The following DAAM1 variants were observed in gnomAD, a reference collection of about 807,000 sequenced individuals.
DAAM1 encodes dishevelled associated activator of morphogenesis 1.
In DAAM1, 52 loss-of-function variants were observed where a neutral mutation model predicts 130.0. The ratio of observed to expected loss-of-function variants is 0.40; its 90% CI spans 0.32 to 0.50. The LOEUF is 0.50. DAAM1 is among the 20% of genes least tolerant of loss of function. The pLI is 0.61. For missense variants in DAAM1, 1,134 were observed against 1,303.8 expected, an observed-to-expected ratio of 0.87 and a Z score of 2.01; for synonymous variants, 452 against 444.5, an observed-to-expected ratio of 1.02 and a Z score of -0.21.
At chr14:59,236,890 G>T (rs1417710248) in intron 1 of DAAM1, among the ~76,000 whole-genome samples, 6 of 152,124 alleles carry the variant, frequency 3.9e-5, no homozygotes, top group African/African-American at 1.4e-4. Flanking sequence ...GGAGAGCAGG[G>T]ATCAGCAATT....
At chr14:59,191,606 G>C (rs1425919270) in intron 1 of DAAM1, among the ~76,000 whole-genome samples, 1 of 152,032 alleles carries the variant, frequency 6.6e-6, no homozygotes, top group African/African-American at 2.4e-5. Context: ...CTATGTATTT[G>C]AAATAGACAT....
At chr14:59,257,819 G>A (rs918254092) in intron 1 of DAAM1, among the ~76,000 whole-genome samples, 24 of 152,036 alleles carry the variant, frequency 1.6e-4, no homozygotes, top group Admixed American at 1.2e-3. Context: ...CAAACATGCC[G>A]GCTCCCCACC....
intron 1 of DAAM1, among the ~76,000 whole-genome samples, chr14:59,259,715 ATCAGC>A (rs886962797): frequency 5.9e-5 from 9 of 152,360 alleles, no homozygotes; most frequent in African/African-American, 2.2e-4. Flanking sequence ...CCTAATGTAC[ATCAGC>A]GCTGCTGCTG....
chr14:59,299,248 C>G (rs892755150), intron 3 of DAAM1, among the ~76,000 whole-genome samples: 7 of 152,148 alleles, frequency 4.6e-5, no homozygotes, highest in African/African-American at 1.2e-4. Flanking sequence ...CAAATAAATA[C>G]TTTGCATAGT....
chr14:59,252,343 T>C (rs1413708557), intron 1 of DAAM1, among the ~76,000 whole-genome samples: 1 of 152,242 alleles, frequency 6.6e-6, no homozygotes, highest in Non-Finnish European at 1.5e-5. Context: ...ATATCAGTAT[T>C]ACAAATGTCA....
At chr14:59,356,443 C>T (rs1284560411) in intron 20 of DAAM1, among the ~76,000 whole-genome samples, 1 of 152,124 alleles carries the variant, frequency 6.6e-6, no homozygotes, top group Non-Finnish European at 1.5e-5. Flanking sequence ...TTTGATTGTC[C>T]CACTAGCCTG....
chr14:59,295,656 A>G (rs1883930070), intron 3 of DAAM1, among the ~76,000 whole-genome samples: 1 of 152,216 alleles, frequency 6.6e-6, no homozygotes, highest in South Asian at 2.1e-4. Context: ...ACACAGATTT[A>G]AAGAAACACG....
At chr14:59,258,542 A>G (rs1159662858) in intron 1 of DAAM1, among the ~76,000 whole-genome samples, 4 of 152,212 alleles carry the variant, frequency 2.6e-5, no homozygotes, top group East Asian at 1.9e-4. Context: ...GCGAATATGC[A>G]TATTAAATCA....
intron 1 of DAAM1, among the ~76,000 whole-genome samples, chr14:59,262,653 AGTGTGTGTGTGTGTGTGTGTGT>A (rs5809025): frequency 5.7e-4 from 80 of 140,870 alleles, no homozygotes; most frequent in African/African-American, 1.9e-3. Flanking sequence ...ATATTCTATT[AGTGTGTGTGTGTGTGTGTGTGT>A]GTGTGTGTGT....
intron 23 of DAAM1, among the ~76,000 whole-genome samples, chr14:59,364,324 A>G (rs1252105734): frequency 1.3e-5 from 2 of 152,050 alleles, no homozygotes; most frequent in Non-Finnish European, 2.9e-5. Context: ...GTCTCATTAC[A>G]AGAGGTTTTT....
chr14:59,367,981 G>A lies in DAAM1; in HGVS notation c.2997+382G>A, dbSNP rs1594856680. On this transcript the variant is annotated intron_variant, in intron 24 of 24. Coordinates refer to ENST00000360909, the MANE Select transcript of DAAM1 (RefSeq NM_001270520.2). ...AGCCATATAATGGAATATTTATGCAGTCCTTGAAAGACATGTATTCAAAGA... is the reference window on the plus strand; with the variant it reads ...AGCCATATAATGGAATATTTATGCAATCCTTGAAAGACATGTATTCAAAGA... 3.9e-5 allele frequency among the ~76,000 whole-genome samples: 6 copies of A among 152,086 alleles called. No individual in the cohort carries two copies. In the South Asian group the frequency reaches 1.2e-3, roughly 32 times the overall value.
Position 59,369,120 on chromosome 14 carries a change from T to C in DAAM1, c.*261T>C. 1 of 356,644 alleles carries C rather than the reference T, an allele frequency of 2.8e-6. No homozygotes were observed. Among genetic ancestry groups the C allele is most frequent in the Non-Finnish European group, 5.1e-6 (1 of 195,432 alleles). 22.1% of individuals were successfully genotyped at this position (356,644 alleles called of 1,614,324 possible). A position where few individuals can be genotyped will look rare whatever the true frequency, so the allele number is the denominator to read the frequency against. The stretch of plus-strand genomic sequence containing the variant: ...TGCTCCAAAACCTTTCGTGTATGCA[T>C]TCACATTGAGTGTGGCTCATTTTCT... On this transcript the variant is annotated 3_prime_UTR_variant, in exon 25 of 25. Coordinates refer to ENST00000360909, the MANE Select transcript of DAAM1 (RefSeq NM_001270520.2).
chr14:59,354,845 GA>G (rs1886416886), intron 19 of DAAM1, among the ~76,000 whole-genome samples: 2 of 152,200 alleles, frequency 1.3e-5, no homozygotes, highest in Non-Finnish European at 2.9e-5. Context: ...TGTTTGTAAA[GA>G]AATCTTGGAG....
At chr14:59,267,010 G>A (rs1882475522) in intron 2 of DAAM1, among the ~76,000 whole-genome samples, 1 of 152,178 alleles carries the variant, frequency 6.6e-6, no homozygotes, top group Non-Finnish European at 1.5e-5. Flanking sequence ...CCTAATAGAT[G>A]ATTTACACCC....
At chr14:59,278,836 CTACT>C (rs1382448598) in intron 2 of DAAM1, among the ~76,000 whole-genome samples, 1 of 152,164 alleles carries the variant, frequency 6.6e-6, no homozygotes, top group Non-Finnish European at 1.5e-5. Context: ...CCAGATTGAG[CTACT>C]TACTTTAAAG....
chr14:59,320,661 GA>G, intron 5 of DAAM1, 77 bp downstream of exon 5: 1 of 1,028,672 alleles, frequency 9.7e-7, no homozygotes, highest in Non-Finnish European at 1.4e-6. Context: ...AACCTTCTAG[GA>G]AGTCTTAAGT....
intron 8 of DAAM1, among the ~76,000 whole-genome samples, chr14:59,324,914 G>A (rs971720729): frequency 6.6e-6 from 1 of 152,058 alleles, no homozygotes; most frequent in Admixed American, 6.6e-5. Context: ...TCATTTCATC[G>A]TTTGCTATCA....
chr14:59,308,732 T>C (rs1228970612), intron 3 of DAAM1, among the ~76,000 whole-genome samples: 4 of 152,114 alleles, frequency 2.6e-5, no homozygotes, highest in Non-Finnish European at 5.9e-5. Flanking sequence ...TTAGGAAAAA[T>C]GGAGAAGGTT....
At chr14:59,239,869 C>G (rs1242644709) in intron 1 of DAAM1, among the ~76,000 whole-genome samples, 1 of 152,200 alleles carries the variant, frequency 6.6e-6, no homozygotes, top group Non-Finnish European at 1.5e-5. Context: ...TAGCACCATA[C>G]ATACCGAAAC....
Sources: gnomAD v4.1 joint callset for allele counts (sites outside exome capture counted in the v4.1 genomes callset) on GRCh38, gnomAD v4.1.1 for gene constraint, MANE v1.5 for transcripts, NCBI Gene and HGNC (gene_info 2026-07-23, HGNC 2026-07-21) for gene names.